LMO7: variants seen among roughly 807,000 people sequenced by gnomAD.
LMO7 encodes LIM domain only protein 7.
LMO7 carries 120 observed loss-of-function variants against 206.5 expected under a neutral mutation model. The observed-to-expected ratio is 0.58, with a 90% CI of 0.50 to 0.68. The LOEUF (loss-of-function observed/expected upper bound fraction) is 0.68, where lower values mean the gene tolerates loss of function less well. Ranked by LOEUF, LMO7 falls within the 30% of genes least tolerant of loss-of-function variation. The pLI is 0.00. For synonymous variants in LMO7, 706 were observed against 681.5 expected (o/e 1.04, Z -0.56); for missense variants, 1,959 against 1,957.9 (o/e 1.00, Z -0.01).
At chr13:75,853,500 G>C (rs2060658878) in intron 28 of LMO7, 112 bp downstream of exon 28, 1 of 991,680 alleles carries the variant, frequency 1.0e-6, no homozygotes, top group African/African-American at 1.6e-5. Context: ...AAGCCCTTTT[G>C]AATGTGTCAA....
At chr13:75,653,095 AAATGATC>A (rs2037738719) in intron 1 of LMO7, among the ~76,000 whole-genome samples, 1 of 152,206 alleles carries the variant, frequency 6.6e-6, no homozygotes, top group African/African-American at 2.4e-5. Flanking sequence ...GTATAGAAGG[AAATGATC>A]AATGCCCAGT....
intron 2 of LMO7, among the ~76,000 whole-genome samples, chr13:75,715,922 A>C (rs1456546164): frequency 2.0e-5 from 3 of 152,200 alleles, no homozygotes; most frequent in Non-Finnish European, 4.4e-5. Context: ...ATAGTAAGCT[A>C]TCTGTCTTTG....
chr13:75,853,991 C>T (rs1039180298), intron 28 of LMO7, among the ~76,000 whole-genome samples: 2 of 152,144 alleles, frequency 1.3e-5, no homozygotes, highest in African/African-American at 4.8e-5. Flanking sequence ...GCTACATCAG[C>T]TGGATTCGGT....
chr13:75,781,071 ATTTT>A (rs1206590506), intron 4 of LMO7, among the ~76,000 whole-genome samples: 1 of 25,096 alleles, frequency 4.0e-5, no homozygotes, highest in Non-Finnish European at 8.2e-5. Flanking sequence ...TCTTGGGAGT[ATTTT>A]TTTAACCTTA....
At chr13:75,635,002 T>TCAAAA (rs3036380), upstream of LMO7, among the ~76,000 whole-genome samples, 288 of 136,642 alleles carry the variant, frequency 2.1e-3, 1 homozygote, top group African/African-American at 7.1e-3. Context: ...AGACTCCATC[T>TCAAAA]CAAAACAAAA....
intron 6 of LMO7, 117 bp from the exon 7 acceptor site, chr13:75,800,567 C>A (rs1441612567): frequency 1.3e-5 from 11 of 843,324 alleles, no homozygotes; most frequent in Non-Finnish European, 2.1e-5. Context: ...AAACCTCATG[C>A]CTTACATGTC....
chr13:75,689,565 C>T (rs941417270), intron 1 of LMO7, among the ~76,000 whole-genome samples: 2 of 152,082 alleles, frequency 1.3e-5, no homozygotes, highest in African/African-American at 4.8e-5. Flanking sequence ...GAGAGACAGA[C>T]CCACCCTCAA....
chr13:75,773,208 G>A (rs2049972830), intron 4 of LMO7, among the ~76,000 whole-genome samples: 1 of 151,984 alleles, frequency 6.6e-6, no homozygotes, highest in African/African-American at 2.4e-5. Context: ...TTAGCTCTTC[G>A]GGCCTACATT....
chr13:75,817,175 G>A lies in LMO7; in HGVS notation c.1961G>A (p.Ser654Asn). The A allele has an allele frequency of 6.2e-7, 1 of 1,613,074 alleles. No individual in the cohort carries two copies. The highest frequency in any genetic ancestry group is 1.1e-5 in the South Asian group (1 of 91,036). Residue 654 changes from serine (S) to asparagine (N), a missense_variant, in exon 12 of 31, where the codon AGT (serine) becomes AAT (asparagine). Coordinates refer to ENST00000377534, the MANE Select transcript of LMO7 (RefSeq NM_001306080.2). ...IYGENGSKSMSDVSAEDVQNL... is the reference protein window; with the variant it reads ...IYGENGSKSMNDVSAEDVQNL... Reference sequence around the variant, plus strand: ...TTTTGTTGTAGGAGTAAGTCCATGAGTGATGTCAGCGCAGAAGATGTTCAA... The same window carrying A: ...TTTTGTTGTAGGAGTAAGTCCATGAATGATGTCAGCGCAGAAGATGTTCAA...
intron 2 of LMO7, among the ~76,000 whole-genome samples, chr13:75,721,369 A>G (rs1052867815): frequency 1.3e-5 from 2 of 152,114 alleles, no homozygotes; most frequent in African/African-American, 4.8e-5. Context: ...TTTTTTTGCT[A>G]AGTGCTAGGC....
intron 1 of LMO7, among the ~76,000 whole-genome samples, chr13:75,712,385 A>G (rs2138097023): frequency 6.6e-6 from 1 of 152,238 alleles, no homozygotes; most frequent in Admixed American, 6.5e-5. Flanking sequence ...TTCTTAGGGC[A>G]GCTTTTTTCC....
intron 20 of LMO7, among the ~76,000 whole-genome samples, chr13:75,839,516 C>T (rs1158514124): frequency 1.3e-5 from 2 of 152,072 alleles, no homozygotes; most frequent in Admixed American, 6.6e-5. Context: ...AGACTGTACC[C>T]ATAAGTTTAC....
intron 4 of LMO7, among the ~76,000 whole-genome samples, chr13:75,792,210 C>G (rs954531083): frequency 1.1e-4 from 17 of 152,150 alleles, no homozygotes; most frequent in African/African-American, 3.9e-4. Flanking sequence ...TCAAGCGATC[C>G]TCCCATCTTG....
At chr13:75,836,960 T>C (rs1025032504) in intron 19 of LMO7, among the ~76,000 whole-genome samples, 1 of 152,220 alleles carries the variant, frequency 6.6e-6, no homozygotes. Flanking sequence ...ATCTCCATCT[T>C]TCTTCTTCTG....
chr13:75,807,283 C>G (rs368755477), intron 9 of LMO7, among the ~76,000 whole-genome samples, 197 bp from the exon 10 acceptor site: 2 of 152,124 alleles, frequency 1.3e-5, no homozygotes, highest in African/African-American at 4.8e-5. Context: ...TAGGGATTAT[C>G]CAGGAAAGTC....
intron 1 of LMO7, among the ~76,000 whole-genome samples, chr13:75,705,813 C>T (rs181638737): frequency 1.4e-3 from 211 of 151,678 alleles, no homozygotes; most frequent in Non-Finnish European, 8.2e-4. Context: ...TTTAAACAAC[C>T]TACTTTCACT....
At chr13:75,797,789 G>A (rs1369379377) in intron 6 of LMO7, among the ~76,000 whole-genome samples, 2 of 152,116 alleles carry the variant, frequency 1.3e-5, no homozygotes, top group African/African-American at 4.8e-5. Flanking sequence ...AGGTATTCCT[G>A]TTCACCCCCA....
At position 75,841,897 on chromosome 13, in the gene LMO7, TGAGGAGCAGAAGCGTCCTGCG is replaced by T. The variant is rs775219749; in HGVS notation, c.3960_3980del (p.Pro1321_Arg1327del). On this transcript the variant is annotated inframe_deletion, in exon 24 of 31. Coordinates refer to ENST00000377534, the MANE Select transcript of LMO7 (RefSeq NM_001306080.2). ...AGCAAAAGCGGCTTCAGGCTGAGGC[TGAGGAGCAGAAGCGTCCTGCG>T]GAGGAGCAGAAGCGCCAGGCAGAGA... The T allele has an allele frequency of 3.1e-6, 5 of 1,613,958 alleles. No homozygotes were observed. Among genetic ancestry groups the T allele is most frequent in the South Asian group, 1.1e-5 (1 of 91,068 alleles).
chr13:75,643,217 TAA>T (rs2036718479), intron 1 of LMO7, among the ~76,000 whole-genome samples: 1 of 152,218 alleles, frequency 6.6e-6, no homozygotes, highest in East Asian at 1.9e-4. Context: ...CTGTTGAGAC[TAA>T]ACACTCCTTC....
Sources: gnomAD v4.1 joint callset for allele counts (sites outside exome capture counted in the v4.1 genomes callset) on GRCh38, gnomAD v4.1.1 for gene constraint, MANE v1.5 for transcripts, NCBI Gene and HGNC (gene_info 2026-07-23, HGNC 2026-07-21) for gene names.